The following CLSTN2 variants were observed in gnomAD, a reference collection of about 807,000 sequenced individuals.
CLSTN2 encodes calsyntenin-2.
CLSTN2 carries 48 observed loss-of-function variants against 101.2 expected under a neutral mutation model. The observed-to-expected ratio is 0.47, with a 90% CI of 0.38 to 0.60. The LOEUF (loss-of-function observed/expected upper bound fraction) is 0.60, where lower values mean the gene tolerates loss of function less well. CLSTN2 is among the 20% of genes least tolerant of loss of function. CLSTN2 has a pLI of 0.00. For synonymous variants in CLSTN2, 481 were observed against 463.6 expected, an observed-to-expected ratio of 1.04 and a Z score of -0.48; for missense variants, 1,160 against 1,238.2, an observed-to-expected ratio of 0.94 and a Z score of 0.95.
intron 1 of CLSTN2, among the ~76,000 whole-genome samples, chr3:139,936,586 G>T (rs1935025894): frequency 6.6e-6 from 1 of 152,170 alleles, no homozygotes; most frequent in South Asian, 2.1e-4. Flanking sequence ...TAGATTCCCT[G>T]TTAGAGACAG....
intron 2 of CLSTN2, among the ~76,000 whole-genome samples, chr3:140,203,461 G>GTT (rs58182333): frequency 0.029 from 1,979 of 67,954 alleles, 112 homozygotes; most frequent in South Asian, 0.046. Context: ...GAAAGTGTGG[G>GTT]TTTTTTTTTT....
At chr3:139,958,037 C>T (rs537604643) in intron 1 of CLSTN2, among the ~76,000 whole-genome samples, 16 of 152,310 alleles carry the variant, frequency 1.1e-4, no homozygotes, top group Admixed American at 4.6e-4. Context: ...ATTGATCCAT[C>T]CTGCAGATGA....
chr3:140,163,298 G>A (rs1051172729), intron 1 of CLSTN2, among the ~76,000 whole-genome samples: 1 of 151,970 alleles, frequency 6.6e-6, no homozygotes, highest in Admixed American at 6.6e-5. Flanking sequence ...GAAAAAAGTT[G>A]CCTCAAGATT....
At chr3:139,962,368 C>G (rs1560055277) in intron 1 of CLSTN2, among the ~76,000 whole-genome samples, 1 of 152,042 alleles carries the variant, frequency 6.6e-6, no homozygotes, top group African/African-American at 2.4e-5. Flanking sequence ...TCATCACAAC[C>G]AAGATAATGA....
chr3:140,002,332 A>G (rs1223729171), intron 1 of CLSTN2, among the ~76,000 whole-genome samples: 38 of 152,170 alleles, frequency 2.5e-4, no homozygotes, highest in Admixed American at 2.5e-3. Context: ...GCACCTTTTC[A>G]TATGCCTGTT....
At chr3:140,550,624 G>A (rs554158765) in intron 10 of CLSTN2, among the ~76,000 whole-genome samples, 1,051 of 152,166 alleles carry the variant, frequency 6.9e-3, no homozygotes, top group African/African-American at 0.023. Context: ...CAGTTTCAGG[G>A]TACTAGGCCC....
chr3:140,534,711 C>A (rs1935327304), intron 9 of CLSTN2, among the ~76,000 whole-genome samples: 1 of 152,192 alleles, frequency 6.6e-6, no homozygotes, highest in East Asian at 1.9e-4. Context: ...AATTTTTATT[C>A]ATATTTTATT....
At chr3:139,977,558 A>C (rs982472793) in intron 1 of CLSTN2, among the ~76,000 whole-genome samples, 4 of 152,180 alleles carry the variant, frequency 2.6e-5, no homozygotes, top group African/African-American at 7.2e-5. Flanking sequence ...AACCTGCTAG[A>C]TTAAGTATTT....
At chr3:140,094,450 A>G (rs544682376) in intron 1 of CLSTN2, among the ~76,000 whole-genome samples, 54 of 152,200 alleles carry the variant, frequency 3.5e-4, no homozygotes, top group African/African-American at 1.3e-3. Context: ...CTGACCTTAT[A>G]TTTTCCTGGG....
chr3:140,048,971 G>A (rs1408712893), intron 1 of CLSTN2, among the ~76,000 whole-genome samples: 1 of 152,182 alleles, frequency 6.6e-6, no homozygotes. Context: ...GCTCTAGGTG[G>A]CCCCAATGAG....
chr3:140,041,574 A>G (rs951689296), intron 1 of CLSTN2, among the ~76,000 whole-genome samples: 1 of 152,116 alleles, frequency 6.6e-6, no homozygotes, highest in Non-Finnish European at 1.5e-5. Flanking sequence ...TTTTGGACTT[A>G]TCTCCTTCCA....
intron 1 of CLSTN2, among the ~76,000 whole-genome samples, chr3:140,167,863 A>T (rs1365720193): frequency 6.6e-6 from 1 of 152,092 alleles, no homozygotes; most frequent in Non-Finnish European, 1.5e-5. Context: ...TTGGTGATTC[A>T]TCTGTTTTGT....
chr3:140,398,964 A>G (rs1343165583), intron 2 of CLSTN2, among the ~76,000 whole-genome samples: 1 of 152,210 alleles, frequency 6.6e-6, no homozygotes, highest in African/African-American at 2.4e-5. Flanking sequence ...ACTCAGGCAC[A>G]GCAGGGGCTC....
At chr3:140,317,817 C>T (rs934364108) in intron 2 of CLSTN2, among the ~76,000 whole-genome samples, 2 of 152,120 alleles carry the variant, frequency 1.3e-5, no homozygotes, top group African/African-American at 4.8e-5. Flanking sequence ...CTGTGCCTCC[C>T]CCAGTTTTGT....
intron 2 of CLSTN2, among the ~76,000 whole-genome samples, chr3:140,273,903 G>A (rs778491003): frequency 2.1e-4 from 32 of 152,272 alleles, no homozygotes; most frequent in Admixed American, 1.6e-3. Context: ...TTTCAAAGGG[G>A]ACAGGACTGG....
intron 2 of CLSTN2, among the ~76,000 whole-genome samples, chr3:140,259,075 TC>T (rs1365212694): frequency 6.6e-6 from 1 of 152,060 alleles, no homozygotes; most frequent in African/African-American, 2.4e-5. Flanking sequence ...TTTGGATCAA[TC>T]CTTTTTATAC....
At chr3:140,082,264 G>A (rs539385445) in intron 1 of CLSTN2, among the ~76,000 whole-genome samples, 2 of 152,152 alleles carry the variant, frequency 1.3e-5, no homozygotes, top group Non-Finnish European at 2.9e-5. Flanking sequence ...CCTGTGGCTG[G>A]CATTCTTTCC....
intron 1 of CLSTN2, among the ~76,000 whole-genome samples, chr3:140,105,961 G>T (rs902178752): frequency 5.3e-5 from 8 of 152,184 alleles, no homozygotes; most frequent in African/African-American, 1.9e-4. Context: ...TATTTAGTCT[G>T]CAGAGGCTGG....
chr3:139,976,691 A>G (rs983522751), intron 1 of CLSTN2, among the ~76,000 whole-genome samples: 10 of 152,156 alleles, frequency 6.6e-5, no homozygotes, highest in Non-Finnish European at 1.5e-4. Flanking sequence ...GGCTCAGCAT[A>G]CAGTTGCTAC....
Sources: allele counts gnomAD v4.1 joint callset (sites outside exome capture counted in the v4.1 genomes callset), GRCh38; gene constraint gnomAD v4.1.1; transcripts MANE v1.5; gene names NCBI Gene and HGNC (gene_info 2026-07-23, HGNC 2026-07-21).